The following SEPTIN3 variants were observed in gnomAD, a reference collection of about 807,000 sequenced individuals.
SEPTIN3 encodes septin 3, also known as neuronal-specific septin-3.
Under a neutral mutation model 45.1 loss-of-function variants are expected in SEPTIN3, and 15 were observed. The observed-to-expected ratio is 0.33, with a 90% CI of 0.22 to 0.51. The LOEUF is 0.51. Among genes scored for constraint, SEPTIN3 ranks in the 20% least tolerant of loss-of-function variants. The pLI, the probability that SEPTIN3 is intolerant of heterozygous loss-of-function variation, is 0.97. For missense variants in SEPTIN3, 289 were observed against 457.2 expected, an observed-to-expected ratio of 0.63 and a Z score of 3.35; for synonymous variants, 148 against 164.8, an observed-to-expected ratio of 0.90 and a Z score of 0.78.
rs1225493246 is a variant in SEPTIN3 at position 41,972,825 on chromosome 22, C to T, written c.1333C>T (p.Pro445Ser). ...VGSVVPVTPD[P>S]ATGKTTLGSV... ...TTCAGTTGTGCCAGTAACCCCAGACCCAGCCACTGGGAAGACCACACTGGG... is the reference window on the plus strand; with the variant it reads ...TTCAGTTGTGCCAGTAACCCCAGACTCAGCCACTGGGAAGACCACACTGGG... The change falls in exon 2 of 12, where the codon CCA becomes TCA. Residue 445 changes from proline to serine, a missense_variant. Coordinates refer to ENST00000644076, the MANE Select transcript of SEPTIN3 (RefSeq NM_001363845.2). The T allele has an allele frequency of 1.3e-5, 5 of 399,052 alleles. No homozygotes were observed. The highest frequency in any genetic ancestry group is 1.3e-4 in the South Asian group (1 of 7,856). The allele number at this position is 399,052 out of a possible 1,614,324, so 24.7% of individuals were successfully genotyped here.
In SEPTIN3 at chr22:41,986,070, GAGA is replaced by G. The variant is rs747604620; in HGVS notation, c.1787_1789del (p.Lys596del). On this transcript the variant is annotated inframe_deletion, in exon 4 of 12. Transcript: ENST00000644076. ...CAAGGCCTCCAGCTGGAACCGGGAG[GAGA>G]AGATCCCCAAGACAGTGGAGATCAA... 1 of 1,613,814 alleles carries G rather than the reference GAGA, an allele frequency of 6.2e-7. No individual in the cohort carries two copies.
At position 41,994,699 on chromosome 22, in the gene SEPTIN3, T is replaced by C; in HGVS notation, c.2490T>C (p.Asn830=). 1 of 1,614,130 alleles carries C rather than the reference T, an allele frequency of 6.2e-7. No individual in the cohort carries two copies. The highest frequency in any genetic ancestry group is 8.5e-7 in the Non-Finnish European group (1 of 1,180,040). The change falls in exon 11 of 12, where the codon AAT becomes AAC. Residue 830 remains asparagine (N), a synonymous_variant. Coordinates refer to ENST00000644076, the MANE Select transcript of SEPTIN3 (RefSeq NM_001363845.2). The surrounding 1 kb of genome is among the most constrained non-coding windows in gnomAD (Gnocchi z 4.2). ...ACAGGGCCAAGCGGCTCAATGACAA[T>C]GGAGGCCTCCCTCCGGTGAGCGTGG... ...ETYRAKRLND[N]GGLPPGEGLL...
intron 2 of SEPTIN3, 148 bp from the exon 3 acceptor site, chr22:41,981,492 TATGAA>T (rs1323663832): frequency 2.0e-5 from 12 of 607,600 alleles, no homozygotes; most frequent in Non-Finnish European, 3.4e-5. Context: ...TCTCTTTGTC[TATGAA>T]ATGAGGGACC....
Position 41,971,263 on chromosome 22 carries a change from G to T in SEPTIN3, c.-19-211G>T, listed in dbSNP as rs372063490. ...GTGGTGGCTGGCCGGGGTGGGGTAGGTATGAGGTACAGATCAGTCTGCAGC... is the reference window on the plus strand; with the variant it reads ...GTGGTGGCTGGCCGGGGTGGGGTAGTTATGAGGTACAGATCAGTCTGCAGC... On this transcript the variant is annotated intron_variant, in intron 1 of 11. Transcript: ENST00000644076. Among the ~76,000 whole-genome samples, 33 of 152,264 alleles carry T rather than the reference G, an allele frequency of 2.2e-4. No homozygotes were observed. In the East Asian group the frequency reaches 2.5e-3, roughly 12 times the overall value.
chr22:41,985,059 G>A (rs1427975769), intron 3 of SEPTIN3, among the ~76,000 whole-genome samples: 1 of 151,168 alleles, frequency 6.6e-6, no homozygotes, highest in African/African-American at 2.4e-5. Context: ...GTTTCACCGT[G>A]TTAGCCAGGA....
chr22:41,981,576 C>T, intron 2 of SEPTIN3, 69 bp from the exon 3 acceptor site: 1 of 1,320,470 alleles, frequency 7.6e-7, no homozygotes, highest in East Asian at 2.5e-5. Flanking sequence ...AGAAAAATAC[C>T]ATGGTTTCCA....
At chr22:41,979,718 C>T (rs964953353) in intron 2 of SEPTIN3, among the ~76,000 whole-genome samples, 4 of 152,234 alleles carry the variant, frequency 2.6e-5, no homozygotes, top group African/African-American at 9.6e-5. Flanking sequence ...GCAGATTTGG[C>T]TGTGCCTGGG....
intron 11 of SEPTIN3, chr22:41,996,662 A>G: frequency 2.9e-6 from 4 of 1,363,134 alleles, no homozygotes; most frequent in Non-Finnish European, 2.8e-6. Flanking sequence ...GCTACAGCCC[A>G]GAGGTTATAC....
At chr22:41,990,542 A>G (rs5996098) in intron 7 of SEPTIN3, among the ~76,000 whole-genome samples, 5,476 of 141,126 alleles carry the variant, frequency 0.039, 150 homozygotes, top group Middle Eastern at 0.09. Context: ...TCAGGAGATC[A>G]AGACCATCCT....
Position 41,994,442 on chromosome 22 carries a change from A to T in SEPTIN3, c.2411+101A>T. 6.6e-7 allele frequency: 1 copy of T among 1,511,760 alleles called. No individual in the cohort carries two copies. Among genetic ancestry groups the T allele is most frequent in the Non-Finnish European group, 9.1e-7 (1 of 1,094,576 alleles). The allele number at this position is 1,511,760 out of a possible 1,614,324, so 93.6% of individuals were successfully genotyped here. A position where few individuals can be genotyped will look rare whatever the true frequency, so the allele number is the denominator to read the frequency against. ...CCTCCTGCATCTCCAGGTCTCTCTG[A>T]CAGAGCTTTCTGCCCCAGTTCCAGC... On this transcript the variant is annotated intron_variant, in intron 10 of 11. Coordinates refer to ENST00000644076, the MANE Select transcript of SEPTIN3 (RefSeq NM_001363845.2). The surrounding 1 kb of genome is among the most constrained non-coding windows in gnomAD (Gnocchi z 4.2).
At chr22:41,981,964 C>A in intron 3 of SEPTIN3, 128 bp downstream of exon 3, 1 of 858,938 alleles carries the variant, frequency 1.2e-6, no homozygotes, top group Non-Finnish European at 1.8e-6. Context: ...AGAATTTCAC[C>A]ATGCTGATCA....
intron 3 of SEPTIN3, chr22:41,982,157 C>A: frequency 3.1e-6 from 1 of 320,840 alleles, no homozygotes; most frequent in Admixed American, 4.3e-5. Context: ...CCTCTGAGAG[C>A]TGGTGGAAGG....
In SEPTIN3 at chr22:41,994,141, T is replaced by C; in HGVS notation, c.2360-149T>C. ...ATGAATCAAATCCAGTACACCCAAGTGAGCAAATCTCTGGAAGGGTTACAA... is the reference window on the plus strand; with the variant it reads ...ATGAATCAAATCCAGTACACCCAAGCGAGCAAATCTCTGGAAGGGTTACAA... On this transcript the variant is annotated intron_variant, in intron 9 of 11. Transcript: ENST00000644076. The surrounding 1 kb of genome is among the most constrained non-coding windows in gnomAD (Gnocchi z 4.2). The C allele has an allele frequency of 1.5e-6, 1 of 661,856 alleles. No individual in the cohort carries two copies. The highest frequency in any genetic ancestry group is 2.7e-6 in the Non-Finnish European group (1 of 376,636). 41.0% of individuals were successfully genotyped at this position (661,856 alleles called of 1,614,324 possible). A position where few individuals can be genotyped will look rare whatever the true frequency, so the allele number is the denominator to read the frequency against.
At chr22:41,982,626 C>A (rs559665316) in intron 3 of SEPTIN3, among the ~76,000 whole-genome samples, 5 of 152,076 alleles carry the variant, frequency 3.3e-5, no homozygotes, top group Non-Finnish European at 7.4e-5. Flanking sequence ...TGGTGGCTCA[C>A]GCCTGTAATC....
intron 8 of SEPTIN3, 60 bp downstream of exon 8, chr22:41,991,728 T>C: frequency 5.5e-6 from 6 of 1,095,746 alleles, no homozygotes; most frequent in Admixed American, 1.7e-5. Flanking sequence ...GGGATGTGTA[T>C]TGTGCACGTC....
chr22:41,990,473 T>C lies in SEPTIN3; in HGVS notation c.2163+789T>C, dbSNP rs112815136. Among the ~76,000 whole-genome samples, 875 of 150,478 alleles carry C rather than the reference T, an allele frequency of 5.8e-3. 6 individuals are homozygous for C. The highest frequency in any genetic ancestry group is 0.018 in the East Asian group (90 of 4,976). ...AAGAAATTTACAATCCAGTTGGGCGTGGTGGCTCATGCCTGTAATCCCAGC... is the reference window on the plus strand; with the variant it reads ...AAGAAATTTACAATCCAGTTGGGCGCGGTGGCTCATGCCTGTAATCCCAGC... On this transcript the variant is annotated intron_variant, in intron 7 of 11. Coordinates refer to ENST00000644076, the MANE Select transcript of SEPTIN3 (RefSeq NM_001363845.2).
At chr22:41,992,438 G>C (rs1371408569) in intron 8 of SEPTIN3, among the ~76,000 whole-genome samples, 1 of 152,222 alleles carries the variant, frequency 6.6e-6, no homozygotes, top group African/African-American at 2.4e-5. Context: ...AGGTTAACCA[G>C]TGAGGCAGTG....
intron 3 of SEPTIN3, among the ~76,000 whole-genome samples, chr22:41,985,093 C>T (rs546963546): frequency 6.6e-6 from 1 of 150,752 alleles, no homozygotes; most frequent in African/African-American, 2.4e-5. Flanking sequence ...CTCCTGACCT[C>T]ATGATCCGCC....
rs2078016185 is a variant in SEPTIN3 at position 41,976,024 on chromosome 22, T to C, written c.1504+3028T>C. 1.3e-5 allele frequency among the ~76,000 whole-genome samples: 2 copies of C among 152,206 alleles called. No individual in the cohort carries two copies. Among genetic ancestry groups the C allele is most frequent in the Non-Finnish European group, 2.9e-5 (2 of 68,046 alleles). On this transcript the variant is annotated intron_variant, in intron 2 of 11. Transcript: ENST00000644076. The surrounding 1 kb of genome is among the most constrained non-coding windows in gnomAD (Gnocchi z 5.8). The stretch of plus-strand genomic sequence containing the variant: ...TCTGCTTCAGCGACACCAAGGACTC[T>C]GGGCTGTCCACCAGCACCACGCAGC...
Sources: gnomAD v4.1 joint callset for allele counts (sites outside exome capture counted in the v4.1 genomes callset) on GRCh38, gnomAD v4.1.1 for gene constraint, Gnocchi (gnomAD v3.1) non-coding constraint, MANE v1.5 for transcripts, NCBI Gene and HGNC (gene_info 2026-07-23, HGNC 2026-07-21) for gene names.